NLRP11: variants seen among roughly 807,000 people sequenced by gnomAD.
The protein encoded by NLRP11 is NACHT, LRR and PYD domains-containing protein 11.
In NLRP11, 53 loss-of-function variants were observed where a neutral mutation model predicts 79.3. That is an observed-to-expected ratio of 0.67 (90% confidence interval 0.54 to 0.84). The LOEUF (loss-of-function observed/expected upper bound fraction) is 0.84, where lower values mean the gene tolerates loss of function less well. Among genes scored for constraint, NLRP11 ranks in the 40% least tolerant of loss-of-function variants. NLRP11 has a pLI of 0.00. For missense variants in NLRP11, 1,264 were observed against 1,255.0 expected, an observed-to-expected ratio of 1.01 and a Z score of -0.11; for synonymous variants, 518 against 462.6, an observed-to-expected ratio of 1.12 and a Z score of -1.54.
intron 1 of NLRP11, among the ~76,000 whole-genome samples, chr19:55,819,376 C>T (rs765373461): frequency 1.2e-4 from 19 of 152,106 alleles, no homozygotes; most frequent in Non-Finnish European, 2.6e-4. Context: ...TTATCTTTTC[C>T]CTTGACCAAT....
chr19:55,788,551 C>T (rs748615143), intron 9 of NLRP11, among the ~76,000 whole-genome samples: 8 of 151,230 alleles, frequency 5.3e-5, no homozygotes, highest in Admixed American at 1.3e-4. Context: ...CCACCCTGGC[C>T]AACATGGTGA....
exon 10 of NLRP11, chr19:55,785,636 G>C (rs1391296067): frequency 6.2e-7 from 1 of 1,613,238 alleles, no homozygotes; most frequent in Non-Finnish European, 8.5e-7. Flanking sequence ...CAAAGGGGTT[G>C]CCTAGATGCT....
Position 55,808,513 on chromosome 19 carries a change from T to C in NLRP11, c.1841+256A>G, listed in dbSNP as rs199476236. On this transcript the variant is annotated intron_variant, in intron 3 of 9. Coordinates refer to ENST00000589093, the Ensembl canonical transcript of NLRP11. ...CCACAGGAGAGACCAGAGATACTGC[T>C]AAACCTCTTACAATGTGCAAGATAG... is the stretch of plus-strand genomic sequence containing the variant. Among the ~76,000 whole-genome samples the C allele has an allele frequency of 8.1e-4, 123 of 152,280 alleles. No homozygotes were observed. The highest frequency in any genetic ancestry group is 2.9e-3 in the African/African-American group (120 of 41,542).
upstream of NLRP11, among the ~76,000 whole-genome samples, chr19:55,836,073 G>A (rs1305260736): frequency 6.6e-6 from 1 of 152,200 alleles, no homozygotes; most frequent in African/African-American, 2.4e-5. Context: ...ACAGTGGGCC[G>A]AGATGACGCC....
chr19:55,794,021 G>A (rs951961449), intron 6 of NLRP11, among the ~76,000 whole-genome samples: 1 of 152,060 alleles, frequency 6.6e-6, no homozygotes, highest in African/African-American at 2.4e-5. Flanking sequence ...ACGTTCTTAG[G>A]CTTAGAAATT....
At chr19:55,827,852 G>A (rs1339768116) in intron 1 of NLRP11, among the ~76,000 whole-genome samples, 1 of 150,906 alleles carries the variant, frequency 6.6e-6, no homozygotes, top group African/African-American at 2.5e-5. Context: ...GTGGAAGTCA[G>A]TGTGGCGATT....
At chr19:55,804,924 G>A (rs58062242) in intron 4 of NLRP11, among the ~76,000 whole-genome samples, 14,987 of 152,000 alleles carry the variant, frequency 0.099, 1,036 homozygotes, top group East Asian at 0.22. Flanking sequence ...TTAGCCAGGC[G>A]TGGTGGCGTG....
At chr19:55,832,242 A>G (rs534268335), upstream of NLRP11, 2 of 152,338 alleles carry the variant, frequency 1.3e-5, no homozygotes, top group African/African-American at 4.8e-5. Flanking sequence ...GGGGCATCTG[A>G]CCAAGAACCT....
rs1004897611 is a variant in NLRP11 at position 55,793,375 on chromosome 19, C to A, written c.2343-904G>T. ...CCTGAGTTCAGGACTTCGAGACTAG[C>A]CTGGTCAACATGGTGAAACCCCGTC... On this transcript the variant is annotated intron_variant, in intron 6 of 9. Transcript: ENST00000589093. Among the ~76,000 whole-genome samples the A allele has an allele frequency of 6.5e-4, 99 of 151,778 alleles. 1 individual carries two copies. The highest frequency in any genetic ancestry group is 2.4e-3 in the African/African-American group (98 of 41,384).
rs1209588601 is a variant in NLRP11, at chr19:55,821,247, A to AC, written c.-62-3012dup. ...CACACACACACACACACACACACAC[A>AC]CACCCCAAGCACTGAGTTTGTAATG... is the stretch of plus-strand genomic sequence containing the variant. On this transcript the variant is annotated intron_variant, in intron 1 of 9. Transcript: ENST00000589093. Among the ~76,000 whole-genome samples the AC allele has an allele frequency of 3.6e-3, 426 of 119,412 alleles. 4 individuals carry two copies. Among genetic ancestry groups the AC allele is most frequent in the African/African-American group, 0.012 (390 of 32,308 alleles). The allele number at this position is 119,412 out of a possible 152,430, so 78.3% of individuals were successfully genotyped here.
intron 1 of NLRP11, among the ~76,000 whole-genome samples, chr19:55,822,399 G>T (rs1981834964): frequency 6.6e-6 from 1 of 152,216 alleles, no homozygotes; most frequent in Non-Finnish European, 1.5e-5. Context: ...TTATCAGACT[G>T]CAGGGAGGAG....
intron 4 of NLRP11, among the ~76,000 whole-genome samples, chr19:55,807,210 T>C (rs1210399976): frequency 1.3e-5 from 2 of 152,206 alleles, no homozygotes; most frequent in African/African-American, 4.8e-5. Flanking sequence ...AGTTAACTCC[T>C]GGGCTTCCAG....
intron 6 of NLRP11, among the ~76,000 whole-genome samples, chr19:55,794,339 A>G (rs1044340555): frequency 5.9e-5 from 9 of 152,206 alleles, no homozygotes; most frequent in Admixed American, 2.0e-4. Context: ...ATCTATTTGG[A>G]GTCTGATTAT....
chr19:55,810,167 T>C (rs1980465456), exon 3 of NLRP11: 1 of 1,613,736 alleles, frequency 6.2e-7, no homozygotes, highest in African/African-American at 1.3e-5. Context: ...CAGGAACACA[T>C]TGAGATTGTT....
chr19:55,830,631 G>A (rs991352975), intron 1 of NLRP11, among the ~76,000 whole-genome samples: 2 of 146,760 alleles, frequency 1.4e-5, no homozygotes, highest in African/African-American at 5.1e-5. Flanking sequence ...CGTTGAGTGT[G>A]TGTTAAAAGC....
At chr19:55,811,522 C>G (rs1349899298) in intron 2 of NLRP11, among the ~76,000 whole-genome samples, 3 of 151,976 alleles carry the variant, frequency 2.0e-5, no homozygotes, top group African/African-American at 7.3e-5. Context: ...ATGTGGCACA[C>G]TGGCTCCCCC....
intron 5 of NLRP11, among the ~76,000 whole-genome samples, chr19:55,800,697 T>C (rs890814504): frequency 1.3e-5 from 2 of 152,138 alleles, no homozygotes; most frequent in Non-Finnish European, 2.9e-5. Flanking sequence ...GTTCTCTCAA[T>C]TGTAAATTTT....
At chr19:55,832,867 A>G (rs1982922030), upstream of NLRP11, 1 of 152,114 alleles carries the variant, frequency 6.6e-6, no homozygotes, top group African/African-American at 2.4e-5. Context: ...CTCCGTCACC[A>G]CTCTTATTTC....
At chr19:55,818,208 G>A in exon 2 of NLRP11, 1 of 1,568,362 alleles carries the variant, frequency 6.4e-7, no homozygotes, top group Non-Finnish European at 8.7e-7. Flanking sequence ...CTTCAGAGAA[G>A]GGATTTTGAG....
Sources: gnomAD v4.1 joint callset for allele counts (sites outside exome capture counted in the v4.1 genomes callset) on GRCh38, gnomAD v4.1.1 for gene constraint, MANE v1.5 for transcripts, NCBI Gene and HGNC (gene_info 2026-07-23, HGNC 2026-07-21) for gene names.